EYA4: variants seen among roughly 807,000 people sequenced by gnomAD.
EYA4 encodes EYA transcriptional coactivator and phosphatase 4, also known as protein phosphatase EYA4.
A neutral mutation model predicts 87.9 loss-of-function variants in EYA4; 31 were observed. The ratio of observed to expected loss-of-function variants is 0.35; its 90% CI spans 0.27 to 0.48. EYA4 has a LOEUF of 0.48. EYA4 is among the 20% of genes least tolerant of loss of function. The probability of loss-of-function intolerance (pLI) is 0.99; values close to 1 mark genes in which losing one functional copy is unlikely to be tolerated. For synonymous variants in EYA4, 263 were observed against 270.6 expected (o/e 0.97, Z 0.28); for missense variants, 678 against 761.4 (o/e 0.89, Z 1.29).
chr6:133,244,963 C>T (rs1471756559), intron 1 of EYA4: 1 of 151,936 alleles, frequency 6.6e-6, no homozygotes, highest in Non-Finnish European at 1.5e-5. Context: ...CTTATTTTGC[C>T]CCACAAAAAC....
intron 2 of EYA4, among the ~76,000 whole-genome samples, chr6:133,307,752 A>G (rs865901726): frequency 8.5e-5 from 13 of 152,184 alleles, no homozygotes; most frequent in African/African-American, 2.9e-4. Flanking sequence ...TAAGAAGTAG[A>G]TACATTTATA....
At chr6:133,270,950 G>A (rs752904981) in intron 1 of EYA4, among the ~76,000 whole-genome samples, 1 of 152,174 alleles carries the variant, frequency 6.6e-6, no homozygotes, top group Non-Finnish European at 1.5e-5. Flanking sequence ...TTAACATCCA[G>A]TTTAATGGAA....
intron 17 of EYA4, among the ~76,000 whole-genome samples, chr6:133,516,008 T>G (rs1167165072): frequency 6.6e-6 from 1 of 152,154 alleles, no homozygotes; most frequent in East Asian, 1.9e-4. Context: ...TTAAATTGAT[T>G]TGTAACCAGT....
chr6:133,506,675 C>T (rs1298284454), intron 14 of EYA4, among the ~76,000 whole-genome samples: 1 of 152,160 alleles, frequency 6.6e-6, no homozygotes, highest in Non-Finnish European at 1.5e-5. Context: ...TATTTAAGCA[C>T]ATTTGATGCA....
At chr6:133,386,950 A>G (rs1489807520) in intron 3 of EYA4, among the ~76,000 whole-genome samples, 1 of 152,206 alleles carries the variant, frequency 6.6e-6, no homozygotes, top group Non-Finnish European at 1.5e-5. Context: ...TGAGAACTTA[A>G]TGATTACCTG....
chr6:133,411,316 G>A (rs1344988179), intron 3 of EYA4, among the ~76,000 whole-genome samples: 1 of 151,950 alleles, frequency 6.6e-6, no homozygotes, highest in African/African-American at 2.4e-5. Flanking sequence ...TTATGGAGCG[G>A]GACCCAATTA....
At chr6:133,414,056 T>C (rs187641262) in intron 3 of EYA4, among the ~76,000 whole-genome samples, 83 of 152,316 alleles carry the variant, frequency 5.4e-4, no homozygotes, top group Middle Eastern at 3.4e-3. Context: ...CTCCAGTTCA[T>C]ACCCATAATC....
intron 2 of EYA4, among the ~76,000 whole-genome samples, chr6:133,308,398 A>G (rs1014884988): frequency 3.3e-5 from 5 of 152,090 alleles, no homozygotes; most frequent in Admixed American, 3.3e-4. Flanking sequence ...AAAAACTTCA[A>G]CTTTTATTTT....
chr6:133,339,237 C>T (rs543168408), intron 2 of EYA4, among the ~76,000 whole-genome samples: 3 of 152,228 alleles, frequency 2.0e-5, no homozygotes, highest in Admixed American at 6.5e-5. Flanking sequence ...AAGATAGACC[C>T]CAGGCCCATT....
At position 133,529,413 on chromosome 6, in the gene EYA4, C is replaced by T; in HGVS notation, c.*608C>T. 1 of 989,708 alleles carries T rather than the reference C, an allele frequency of 1.0e-6. No individual in the cohort carries two copies. The highest frequency in any genetic ancestry group is 1.2e-6 in the Non-Finnish European group (1 of 832,502). 61.3% of individuals were successfully genotyped at this position (989,708 alleles called of 1,614,324 possible). On this transcript the variant is annotated 3_prime_UTR_variant, in exon 20 of 20. Transcript: ENST00000355286. ...GGGAAATGGGAATATAATATTGTCT[C>T]TTTTTTAAGTTTGGCAAACAGAATG...
chr6:133,347,216 G>T (rs1042782686), intron 2 of EYA4, among the ~76,000 whole-genome samples: 5 of 152,082 alleles, frequency 3.3e-5, no homozygotes, highest in African/African-American at 1.2e-4. Context: ...ATGGACTTCT[G>T]ATTGTGCTGT....
intron 2 of EYA4, among the ~76,000 whole-genome samples, chr6:133,327,937 G>T (rs189103123): frequency 1.3e-5 from 2 of 152,164 alleles, no homozygotes; most frequent in African/African-American, 4.8e-5. Context: ...AGAGTCGTCA[G>T]TGTCACTTTC....
At chr6:133,422,163 C>T (rs560780593) in intron 3 of EYA4, among the ~76,000 whole-genome samples, 4 of 152,188 alleles carry the variant, frequency 2.6e-5, no homozygotes, top group East Asian at 3.9e-4. Flanking sequence ...CACTATAGAT[C>T]GTAAAAATAA....
At chr6:133,282,630 G>A (rs1389226289) in intron 2 of EYA4, among the ~76,000 whole-genome samples, 2 of 152,036 alleles carry the variant, frequency 1.3e-5, no homozygotes, top group African/African-American at 4.8e-5. Flanking sequence ...ATATTATACA[G>A]AATATGGAGT....
At chr6:133,525,311 C>A in intron 19 of EYA4, 57 bp downstream of exon 19, 1 of 1,463,488 alleles carries the variant, frequency 6.8e-7, no homozygotes, top group Non-Finnish European at 9.6e-7. Context: ...TTTTTGTTTG[C>A]ATTTCTGTAG....
At chr6:133,258,750 G>A (rs925555603) in intron 1 of EYA4, among the ~76,000 whole-genome samples, 3 of 152,026 alleles carry the variant, frequency 2.0e-5, no homozygotes, top group South Asian at 2.1e-4. Flanking sequence ...AGGTCCAAGA[G>A]CATTTGGACC....
intron 2 of EYA4, among the ~76,000 whole-genome samples, chr6:133,297,823 T>C (rs1779058356): frequency 6.6e-6 from 1 of 152,220 alleles, no homozygotes; most frequent in Non-Finnish European, 1.5e-5. Context: ...ATAGGAGAGT[T>C]TGAAGCCAAA....
At chr6:133,447,549 A>G (rs2128624808) in intron 4 of EYA4, among the ~76,000 whole-genome samples, 1 of 152,288 alleles carries the variant, frequency 6.6e-6, no homozygotes, top group Non-Finnish European at 1.5e-5. Context: ...ATGACATTTA[A>G]TTTAGATATT....
intron 3 of EYA4, among the ~76,000 whole-genome samples, chr6:133,385,065 C>T (rs993082841): frequency 1.3e-5 from 2 of 151,678 alleles, no homozygotes; most frequent in Admixed American, 6.6e-5. Flanking sequence ...TTTGGGAGGC[C>T]GAGGCGGGCA....
Sources: gnomAD v4.1 joint callset for allele counts (sites outside exome capture counted in the v4.1 genomes callset) on GRCh38, gnomAD v4.1.1 for gene constraint, MANE v1.5 for transcripts, NCBI Gene and HGNC (gene_info 2026-07-23, HGNC 2026-07-21) for gene names.